Variants in IQSEC1 observed in about 807,000 individuals in gnomAD.
The protein encoded by IQSEC1 is IQ motif and SEC7 domain-containing protein 1.
In IQSEC1, 31 loss-of-function variants were observed where a neutral mutation model predicts 91.0. The observed-to-expected ratio is 0.34, with a 90% CI of 0.26 to 0.46. IQSEC1 has a LOEUF of 0.46. Ranked by LOEUF, IQSEC1 falls within the 20% of genes least tolerant of loss-of-function variation. The pLI, the probability that IQSEC1 is intolerant of heterozygous loss-of-function variation, is 1.00. For synonymous variants in IQSEC1, 699 were observed against 662.6 expected, an observed-to-expected ratio of 1.05 and a Z score of -0.84; for missense variants, 1,388 against 1,575.6, an observed-to-expected ratio of 0.88 and a Z score of 2.02.
intron 2 of IQSEC1, among the ~76,000 whole-genome samples, chr3:13,161,784 T>C (rs1707180639): frequency 1.3e-5 from 2 of 152,148 alleles, no homozygotes; most frequent in African/African-American, 4.8e-5. Flanking sequence ...TGCTGGAACT[T>C]CCATCCGCGA....
At chr3:13,035,615 G>C (rs187365731) in intron 1 of IQSEC1, among the ~76,000 whole-genome samples, 34 of 152,334 alleles carry the variant, frequency 2.2e-4, no homozygotes, top group African/African-American at 6.7e-4. Context: ...CTGAGGGTTA[G>C]AGCGGAGAAG....
chr3:12,904,071 C>G (rs1306358431), intron 12 of IQSEC1, among the ~76,000 whole-genome samples: 1 of 152,232 alleles, frequency 6.6e-6, no homozygotes, highest in African/African-American at 2.4e-5. Context: ...TGCCCCGTCC[C>G]CAGCCTCTGG....
At chr3:12,951,419 C>T (rs1170964049) in intron 1 of IQSEC1, among the ~76,000 whole-genome samples, 1 of 150,618 alleles carries the variant, frequency 6.6e-6, no homozygotes, top group Non-Finnish European at 1.5e-5. Flanking sequence ...TGTACTCCAG[C>T]TGGGCAACAA....
chr3:13,226,517 C>A (rs1480742167), intron 1 of IQSEC1, among the ~76,000 whole-genome samples: 1 of 150,908 alleles, frequency 6.6e-6, no homozygotes, highest in Admixed American at 6.6e-5. Context: ...TTTGGGAGGC[C>A]AAGGCAGGAG....
rs146699850 is a variant in IQSEC1, at chr3:13,129,502, T to G, written c.302+34602A>C. 6.2e-4 allele frequency among the ~76,000 whole-genome samples: 94 copies of G among 152,318 alleles called. 2 individuals carry two copies. In the East Asian group the frequency reaches 0.017, roughly 27 times the overall value. On this transcript the variant is annotated intron_variant, in intron 2 of 15. Transcript: ENST00000648114. ...ATTAATTTCCACACTGATATTTTTC[T>G]TCGTCCTTTGGGTTTAATTTGTTCT... is the stretch of plus-strand genomic sequence containing the variant.
intron 1 of IQSEC1, among the ~76,000 whole-genome samples, chr3:13,234,360 G>T (rs1694888553): frequency 7.1e-6 from 1 of 141,566 alleles, no homozygotes; most frequent in Non-Finnish European, 1.5e-5. Flanking sequence ...GCCTATGGGT[G>T]TGAGCACCAT....
intron 1 of IQSEC1, among the ~76,000 whole-genome samples, chr3:12,986,691 G>A (rs1248266761): frequency 1.3e-5 from 2 of 152,174 alleles, no homozygotes; most frequent in Non-Finnish European, 2.9e-5. Flanking sequence ...GCAGGCTAAC[G>A]GCTGGCAGTG....
At chr3:13,231,618 CACAA>C (rs1163765063) in intron 1 of IQSEC1, among the ~76,000 whole-genome samples, 1 of 152,146 alleles carries the variant, frequency 6.6e-6, no homozygotes, top group Non-Finnish European at 1.5e-5. Flanking sequence ...ACCTGGGGGA[CACAA>C]ACAATAGACA....
rs1702120656 is a variant in IQSEC1 at position 12,994,134 on chromosome 3, G to C, written c.24-52269C>G. Among the ~76,000 whole-genome samples the C allele has an allele frequency of 6.8e-6, 1 of 146,330 alleles. No homozygotes were observed. Among genetic ancestry groups the C allele is most frequent in the East Asian group, 2.0e-4 (1 of 5,060 alleles). ...GCGCGCCGTCCCCGCGGCCGGCGCG[G>C]CCCCAGAGCGTCCGGTGGCCGGGCG... On this transcript the variant is annotated intron_variant, in intron 1 of 13. Coordinates refer to ENST00000613206, the MANE Select transcript of IQSEC1 (RefSeq NM_001134382.3). This position sits in a 1 kb window ranked among gnomAD's most constrained non-coding sequence, Gnocchi z 4.5.
intron 1 of IQSEC1, among the ~76,000 whole-genome samples, chr3:13,188,545 A>G (rs1015317249): frequency 2.0e-5 from 3 of 152,246 alleles, no homozygotes; most frequent in Non-Finnish European, 4.4e-5. Context: ...CAAGGCCCAG[A>G]AAGGTTAGGT....
At chr3:13,167,237 C>T (rs1693515138) in intron 1 of IQSEC1, among the ~76,000 whole-genome samples, 1 of 152,152 alleles carries the variant, frequency 6.6e-6, no homozygotes, top group Non-Finnish European at 1.5e-5. Context: ...GTCCCTGAGG[C>T]AGACCTGGAG....
intron 1 of IQSEC1, among the ~76,000 whole-genome samples, chr3:13,273,399 C>T (rs1695620763): frequency 6.6e-6 from 1 of 152,196 alleles, no homozygotes; most frequent in South Asian, 2.1e-4. Flanking sequence ...GTGTCGCCAA[C>T]CACCTCACTC....
At chr3:13,116,999 T>C (rs1182341157) in intron 2 of IQSEC1, among the ~76,000 whole-genome samples, 1 of 150,914 alleles carries the variant, frequency 6.6e-6, no homozygotes, top group Admixed American at 6.6e-5. Context: ...TCATCAAAAC[T>C]AAAAACTTTT....
rs1367816565 is a variant in IQSEC1, at chr3:12,992,006, C to A, written c.24-50141G>T. 6.6e-6 allele frequency among the ~76,000 whole-genome samples: 1 copy of A among 152,108 alleles called. No individual in the cohort carries two copies. Among genetic ancestry groups the A allele is most frequent in the South Asian group, 2.1e-4 (1 of 4,828 alleles). ...CCAAGATTACCTAATGTTTGCAAAC[C>A]GTGCAGGAGACAGTCCCCTGCAGAG... is the stretch of plus-strand genomic sequence containing the variant. On this transcript the variant is annotated intron_variant, in intron 1 of 13. Coordinates refer to ENST00000613206, the MANE Select transcript of IQSEC1 (RefSeq NM_001134382.3). The surrounding 1 kb of genome is among the most constrained non-coding windows in gnomAD (Gnocchi z 4.1).
intron 1 of IQSEC1, among the ~76,000 whole-genome samples, chr3:12,990,919 A>T (rs1701958002): frequency 6.6e-6 from 1 of 152,190 alleles, no homozygotes; most frequent in Non-Finnish European, 1.5e-5. Context: ...CTTAGAAAAA[A>T]ATGCTCGCTG....
intron 1 of IQSEC1, among the ~76,000 whole-genome samples, chr3:13,049,858 G>T (rs539491338): frequency 2.0e-5 from 3 of 152,296 alleles, no homozygotes; most frequent in East Asian, 3.9e-4. Context: ...GTGGTACATG[G>T]GTCCAAGGAA....
intron 1 of IQSEC1, among the ~76,000 whole-genome samples, chr3:13,279,947 C>T (rs1695757890): frequency 6.6e-6 from 1 of 152,222 alleles, no homozygotes; most frequent in African/African-American, 2.4e-5. Flanking sequence ...AGGTCTCACC[C>T]CCTGCCTGTG....
At chr3:13,180,505 G>T (rs1247105597) in intron 1 of IQSEC1, among the ~76,000 whole-genome samples, 2 of 152,158 alleles carry the variant, frequency 1.3e-5, no homozygotes, top group African/African-American at 4.8e-5. Context: ...CAATCAACAG[G>T]ATGTGGGTGG....
At chr3:13,278,143 T>TC (rs1695724619) in intron 1 of IQSEC1, among the ~76,000 whole-genome samples, 1 of 151,952 alleles carries the variant, frequency 6.6e-6, no homozygotes, top group Non-Finnish European at 1.5e-5. Context: ...TCCCCCGGAG[T>TC]GAGTCACCAA....
Sources: allele counts gnomAD v4.1 joint callset (sites outside exome capture counted in the v4.1 genomes callset), GRCh38; gene constraint gnomAD v4.1.1; non-coding constraint Gnocchi (gnomAD v3.1); transcripts MANE v1.5; gene names NCBI Gene and HGNC (gene_info 2026-07-23, HGNC 2026-07-21).